Variants in AUH observed in about 807,000 individuals in gnomAD.
AUH encodes the protein AU RNA binding methylglutaconyl-CoA hydratase.
Under a neutral mutation model 42.3 loss-of-function variants are expected in AUH, and 29 were observed. The ratio of observed to expected loss-of-function variants is 0.69; its 90% CI spans 0.51 to 0.93. The LOEUF is 0.93. AUH is among the 40% of genes least tolerant of loss of function. The pLI, the probability that AUH is intolerant of heterozygous loss-of-function variation, is 0.00. For missense variants in AUH, 452 were observed against 438.1 expected (o/e 1.03, Z -0.28); for synonymous variants, 174 against 166.4 (o/e 1.05, Z -0.35).
At position 91,220,105 on chromosome 9, in the gene AUH, C is replaced by A. The variant is rs115559778; in HGVS notation, c.843+700G>T. On this transcript the variant is annotated intron_variant, in intron 7 of 9. Coordinates refer to ENST00000375731, the MANE Select transcript of AUH (RefSeq NM_001698.3). ...AGCCCTTTAATCTTGTGATTTCAGA[C>A]CAAAGGCATATTTGAAAAATATATC... Among the ~76,000 whole-genome samples the A allele has an allele frequency of 3.7e-3, 563 of 152,264 alleles. 4 individuals carry two copies. The highest frequency in any genetic ancestry group is 0.013 in the African/African-American group (533 of 41,536).
Position 91,315,344 on chromosome 9 carries a change from A to T in AUH, c.505+9974T>A, listed in dbSNP as rs188522456. ...TCCCACGGAAAGGCCTGAAGCTCAA[A>T]TGCGCATGTGCCTGTTTCTCCTTTC... On this transcript the variant is annotated intron_variant, in intron 4 of 9. Transcript: ENST00000375731. Among the ~76,000 whole-genome samples the T allele has an allele frequency of 4.5e-3, 684 of 152,288 alleles. 24 individuals carry two copies. Among genetic ancestry groups the T allele is most frequent in the Admixed American group, 0.03 (460 of 15,300 alleles).
In AUH at chr9:91,325,325, G is replaced by A. The variant is rs759687304; in HGVS notation, c.498C>T (p.Asn166=). ...GAACTTAATAGTGCTTACCAATATC[G>A]TTAATCACTGCTCTTATTTTGGAGA... ...PFVSKIRAVI[N]DIANLPVPTI... is the part of the protein sequence containing the mutation. Residue 166 remains asparagine (N), a synonymous_variant, in exon 4 of 10, where the codon AAC becomes AAT. Transcript: ENST00000375731. 5 of 1,613,368 alleles carry A rather than the reference G, an allele frequency of 3.1e-6. No homozygotes were observed. Among genetic ancestry groups the A allele is most frequent in the Non-Finnish European group, 4.2e-6 (5 of 1,179,516 alleles).
At chr9:91,236,986 A>C (rs888278907) in intron 6 of AUH, among the ~76,000 whole-genome samples, 2 of 152,206 alleles carry the variant, frequency 1.3e-5, no homozygotes, top group African/African-American at 4.8e-5. Context: ...TTTCTACATA[A>C]TATTTAGCAT....
At chr9:91,327,350 G>T (rs1205211497) in intron 3 of AUH, among the ~76,000 whole-genome samples, 1 of 152,138 alleles carries the variant, frequency 6.6e-6, no homozygotes, top group Admixed American at 6.5e-5. Flanking sequence ...AACAGAGAGA[G>T]AACTTCTATC....
intron 4 of AUH, among the ~76,000 whole-genome samples, chr9:91,324,117 A>G (rs1400660812): frequency 6.6e-6 from 1 of 152,240 alleles, no homozygotes; most frequent in South Asian, 2.1e-4. Context: ...TAACACATTT[A>G]AACACAAAGA....
chr9:91,327,388 G>T (rs1277469996), intron 3 of AUH, among the ~76,000 whole-genome samples: 1 of 152,138 alleles, frequency 6.6e-6, no homozygotes, highest in African/African-American at 2.4e-5. Flanking sequence ...CTCTTGATTG[G>T]TTCCTTCTGG....
chr9:91,231,670 AAGCAGCCCTAATGCATTCAAGGTGAC>A (rs1827891472), intron 6 of AUH, among the ~76,000 whole-genome samples: 1 of 152,334 alleles, frequency 6.6e-6, no homozygotes, highest in South Asian at 2.1e-4. Context: ...TCAGTCTCAC[AAGCAGCCCTAATGCATTCAAGGTGAC>A]AGAGGTCTAC....
chr9:91,335,139 G>A (rs961602336), intron 3 of AUH, among the ~76,000 whole-genome samples: 1 of 152,128 alleles, frequency 6.6e-6, no homozygotes, highest in East Asian at 1.9e-4. Flanking sequence ...TATAAAGACT[G>A]GAATTATCTG....
chr9:91,349,157 T>C (rs1043194309), intron 3 of AUH, among the ~76,000 whole-genome samples: 1 of 152,180 alleles, frequency 6.6e-6, no homozygotes, highest in African/African-American at 2.4e-5. Context: ...GACATTTTTA[T>C]CCATATGAAC....
At chr9:91,349,022 C>T (rs1258772137) in intron 3 of AUH, among the ~76,000 whole-genome samples, 3 of 152,156 alleles carry the variant, frequency 2.0e-5, no homozygotes, top group African/African-American at 7.2e-5. Context: ...TATCCCTTCA[C>T]GTTACTTATC....
chr9:91,259,262 G>T (rs1482959418), intron 6 of AUH, among the ~76,000 whole-genome samples: 1 of 152,084 alleles, frequency 6.6e-6, no homozygotes, highest in Non-Finnish European at 1.5e-5. Context: ...TTGCAAGTTG[G>T]TGAATTTGCT....
At chr9:91,360,603 C>G (rs1832774175) in intron 1 of AUH, among the ~76,000 whole-genome samples, 1 of 152,146 alleles carries the variant, frequency 6.6e-6, no homozygotes, top group Admixed American at 6.5e-5. Context: ...GCCCAAGAAC[C>G]CTCACAAATG....
chr9:91,266,144 C>G (rs1173946387), intron 6 of AUH, among the ~76,000 whole-genome samples: 1 of 151,986 alleles, frequency 6.6e-6, no homozygotes, highest in African/African-American at 2.4e-5. Context: ...GGGTGAATCA[C>G]AAGGTCAGAA....
chr9:91,219,171 G>C (rs1826990492), intron 7 of AUH, among the ~76,000 whole-genome samples: 1 of 152,154 alleles, frequency 6.6e-6, no homozygotes, highest in Non-Finnish European at 1.5e-5. Context: ...GGCATTTGCT[G>C]CATGGTGGCC....
Position 91,221,938 on chromosome 9 carries a change from A to C in AUH, c.656-946T>G, listed in dbSNP as rs116208979. 8.0e-3 allele frequency among the ~76,000 whole-genome samples: 1,212 copies of C among 152,314 alleles called. 13 individuals carry two copies. Among genetic ancestry groups the C allele is most frequent in the African/African-American group, 0.028 (1,160 of 41,560 alleles). On this transcript the variant is annotated intron_variant, in intron 6 of 9. Coordinates refer to ENST00000375731, the MANE Select transcript of AUH (RefSeq NM_001698.3). ...CCTCAATGTCTACCAAGAAGAAATG[A>C]AAACAGCTTCAACATCAGCATTCAC...
intron 6 of AUH, among the ~76,000 whole-genome samples, chr9:91,255,268 T>G (rs943405289): frequency 3.3e-5 from 5 of 152,202 alleles, no homozygotes; most frequent in Admixed American, 6.5e-5. Context: ...AGTTTCATGT[T>G]CAAAAACTCT....
At chr9:91,278,602 G>A (rs1825727968) in intron 6 of AUH, among the ~76,000 whole-genome samples, 1 of 152,188 alleles carries the variant, frequency 6.6e-6, no homozygotes, top group African/African-American at 2.4e-5. Context: ...AGAAAGTCTG[G>A]ATATACAGTA....
chr9:91,302,541 A>G (rs1827877710), intron 4 of AUH, among the ~76,000 whole-genome samples: 1 of 152,192 alleles, frequency 6.6e-6, no homozygotes, highest in African/African-American at 2.4e-5. Flanking sequence ...GTGAGCTGAG[A>G]TCGCGCCATT....
intron 1 of AUH, among the ~76,000 whole-genome samples, chr9:91,361,122 C>T (rs1309725281): frequency 6.6e-6 from 1 of 152,180 alleles, no homozygotes; most frequent in Non-Finnish European, 1.5e-5. Context: ...GTGGAACAGT[C>T]CCTCAAGACT....
Sources: allele counts gnomAD v4.1 joint callset (sites outside exome capture counted in the v4.1 genomes callset), GRCh38; gene constraint gnomAD v4.1.1; transcripts MANE v1.5; gene names NCBI Gene and HGNC (gene_info 2026-07-23, HGNC 2026-07-21).